BTBD9: variants seen among roughly 807,000 people sequenced by gnomAD.
BTBD9 encodes BTB/POZ domain-containing protein 9.
BTBD9 carries 49 observed loss-of-function variants against 64.3 expected under a neutral mutation model. The observed-to-expected ratio is 0.76, with a 90% CI of 0.61 to 0.97. The LOEUF (loss-of-function observed/expected upper bound fraction) is 0.97, where lower values mean the gene tolerates loss of function less well. Among genes scored for constraint, BTBD9 ranks in the 50% least tolerant of loss-of-function variants. The probability of loss-of-function intolerance (pLI) is 0.00; values close to 1 mark genes in which losing one functional copy is unlikely to be tolerated. For missense variants in BTBD9, 598 were observed against 762.1 expected (o/e 0.78, Z 2.53); for synonymous variants, 260 against 274.7 (o/e 0.95, Z 0.53).
chr6:38,216,340 A>G (rs2127503101), intron 9 of BTBD9, among the ~76,000 whole-genome samples: 1 of 152,320 alleles, frequency 6.6e-6, no homozygotes, highest in Non-Finnish European at 1.5e-5. Context: ...TGCCCCAATT[A>G]GCAGACAGAC....
chr6:38,603,078 T>C (rs978339509), intron 1 of BTBD9, among the ~76,000 whole-genome samples: 14 of 152,134 alleles, frequency 9.2e-5, no homozygotes, highest in African/African-American at 3.1e-4. Flanking sequence ...CCTCACAGCA[T>C]AGGGCAAGGG....
intron 10 of BTBD9, among the ~76,000 whole-genome samples, chr6:38,189,701 C>A (rs536276525): frequency 4.0e-5 from 6 of 151,574 alleles, no homozygotes; most frequent in African/African-American, 1.2e-4. Context: ...TGAGATGGAG[C>A]CTTGTTCTGT....
At chr6:38,182,912 CCTCT>C (rs1761627012) in intron 10 of BTBD9, among the ~76,000 whole-genome samples, 1 of 111,596 alleles carries the variant, frequency 9.0e-6, no homozygotes, top group Non-Finnish European at 2.3e-5. Flanking sequence ...TCCTGCTTTT[CCTCT>C]CTTTTTTTCC....
chr6:38,634,588 G>C (rs35812457), intron 1 of BTBD9, among the ~76,000 whole-genome samples: 2 of 151,964 alleles, frequency 1.3e-5, no homozygotes, highest in African/African-American at 4.8e-5. Context: ...AAAAAAAAGG[G>C]GGGGGAGAGG....
rs955724288 is a variant in BTBD9 at position 38,169,276 on chromosome 6, C to T, written c.*5709G>A. 2 of 152,448 alleles carry T rather than the reference C, an allele frequency of 1.3e-5. No individual in the cohort carries two copies. Among genetic ancestry groups the T allele is most frequent in the Non-Finnish European group, 2.9e-5 (2 of 68,260 alleles). The allele number at this position is 152,448 out of a possible 1,614,324, so 9.4% of individuals were successfully genotyped here. On this transcript the variant is annotated 3_prime_UTR_variant, in exon 11 of 11. Transcript: ENST00000481247. ...CTCAGGCCCAGGTGGGAAGTGTGGG[C>T]TGGGGGTAAACCCAGCAACTCAGGA...
At chr6:38,428,214 G>C (rs1562171835) in intron 6 of BTBD9, among the ~76,000 whole-genome samples, 1 of 151,766 alleles carries the variant, frequency 6.6e-6, no homozygotes, top group Non-Finnish European at 1.5e-5. Context: ...CTTTTAAAAG[G>C]GGACTGAGAA....
At chr6:38,435,413 C>G (rs1045702416) in intron 6 of BTBD9, among the ~76,000 whole-genome samples, 1 of 146,678 alleles carries the variant, frequency 6.8e-6, no homozygotes, top group Admixed American at 6.7e-5. Flanking sequence ...GGCAGAGAAT[C>G]GCTTGAACCT....
chr6:38,316,054 T>C (rs1244067109), intron 7 of BTBD9, among the ~76,000 whole-genome samples: 1 of 152,240 alleles, frequency 6.6e-6, no homozygotes, highest in African/African-American at 2.4e-5. Flanking sequence ...TTTATCACTA[T>C]ATATGATCTT....
chr6:38,392,446 G>A (rs1766461678), intron 6 of BTBD9, among the ~76,000 whole-genome samples: 1 of 152,142 alleles, frequency 6.6e-6, no homozygotes, highest in African/African-American at 2.4e-5. Context: ...CAGAGACACA[G>A]CAACTCCTTT....
intron 1 of BTBD9, among the ~76,000 whole-genome samples, chr6:38,619,347 C>A (rs1777907439): frequency 2.6e-5 from 4 of 152,186 alleles, no homozygotes; most frequent in Non-Finnish European, 4.4e-5. Context: ...AGAAAGGCCA[C>A]AGCCTTAGTC....
chr6:38,262,256 C>T (rs1272687629), intron 8 of BTBD9, among the ~76,000 whole-genome samples: 1 of 152,188 alleles, frequency 6.6e-6, no homozygotes, highest in Non-Finnish European at 1.5e-5. Context: ...CACACTTCCA[C>T]CCATAGATCA....
In BTBD9 at chr6:38,342,687, T is replaced by G. The variant is rs370786444; in HGVS notation, c.1264+2297A>C. On this transcript the variant is annotated intron_variant, in intron 7 of 10. Coordinates refer to ENST00000481247, the MANE Select transcript of BTBD9 (RefSeq NM_001099272.2). ...GCATATTTCACAGGATATAAGAAAG[T>G]GTAAGAAGTAAGCATCTGCAATTTA... Among the ~76,000 whole-genome samples the G allele has an allele frequency of 7.9e-5, 12 of 152,014 alleles. No homozygotes were observed. The East Asian group carries it at 1.4e-3, about 17-fold the overall frequency.
At chr6:38,471,122 TTTTCTGC>T (rs1408004845) in intron 6 of BTBD9, among the ~76,000 whole-genome samples, 11 of 152,076 alleles carry the variant, frequency 7.2e-5, no homozygotes, top group African/African-American at 2.7e-4. Context: ...ATGGCCTTAA[TTTTCTGC>T]AAATGTACTT....
chr6:38,268,958 T>C (rs2127542837), intron 8 of BTBD9, among the ~76,000 whole-genome samples: 1 of 152,316 alleles, frequency 6.6e-6, no homozygotes, highest in South Asian at 2.1e-4. Flanking sequence ...GTCCTGGAAT[T>C]TCCTCCCTGT....
intron 8 of BTBD9, among the ~76,000 whole-genome samples, chr6:38,270,950 TA>T (rs1269699662): frequency 6.6e-6 from 1 of 152,056 alleles, no homozygotes; most frequent in African/African-American, 2.4e-5. Context: ...GGTAGGGGGA[TA>T]GGGGAAAGGA....
intron 6 of BTBD9, among the ~76,000 whole-genome samples, chr6:38,486,807 T>C (rs566168674): frequency 2.6e-5 from 4 of 152,346 alleles, no homozygotes; most frequent in African/African-American, 9.6e-5. Flanking sequence ...AAAACACTTG[T>C]TGAACACGGA....
intron 8 of BTBD9, among the ~76,000 whole-genome samples, chr6:38,260,879 A>G (rs182121116): frequency 4.5e-4 from 69 of 152,254 alleles, no homozygotes; most frequent in Admixed American, 1.7e-3. Context: ...CTCATACTTT[A>G]TTTAATCAAT....
At chr6:38,438,838 G>A (rs1440672544) in intron 6 of BTBD9, among the ~76,000 whole-genome samples, 2 of 152,144 alleles carry the variant, frequency 1.3e-5, no homozygotes, top group African/African-American at 2.4e-5. Context: ...AAGGAAGATG[G>A]GTGTTTGGCC....
chr6:38,510,441 A>G (rs973574251), intron 6 of BTBD9, among the ~76,000 whole-genome samples: 8 of 152,230 alleles, frequency 5.3e-5, no homozygotes, highest in Non-Finnish European at 4.4e-5. Context: ...GTGAATGTAA[A>G]GGCCTAGAAC....
Sources: gnomAD v4.1 joint callset for allele counts (sites outside exome capture counted in the v4.1 genomes callset) on GRCh38, gnomAD v4.1.1 for gene constraint, MANE v1.5 for transcripts, NCBI Gene and HGNC (gene_info 2026-07-23, HGNC 2026-07-21) for gene names.